Variants in ANKRD30B observed in about 807,000 individuals in gnomAD.
The protein encoded by ANKRD30B is ankyrin repeat domain-containing protein 30B.
In ANKRD30B, 144 loss-of-function variants were observed where a neutral mutation model predicts 202.2. That is an observed-to-expected ratio of 0.71 (90% confidence interval 0.62 to 0.82). The LOEUF (loss-of-function observed/expected upper bound fraction) is 0.82, where lower values mean the gene tolerates loss of function less well. ANKRD30B is among the 40% of genes least tolerant of loss of function. ANKRD30B has a pLI of 0.00. For synonymous variants in ANKRD30B, 508 were observed against 561.3 expected, an observed-to-expected ratio of 0.91 and a Z score of 1.34; for missense variants, 1,487 against 1,669.1, an observed-to-expected ratio of 0.89 and a Z score of 1.90.
intron 30 of ANKRD30B, among the ~76,000 whole-genome samples, chr18:14,817,817 C>T (rs1267209897): frequency 6.6e-6 from 1 of 152,132 alleles, no homozygotes; most frequent in Non-Finnish European, 1.5e-5. Flanking sequence ...ACCTTCTCAT[C>T]ATAATTAAAG....
rs117862775 is a variant in ANKRD30B at position 14,850,816 on chromosome 18, C to A, written c.3564+434C>A. Among the ~76,000 whole-genome samples, 86 of 151,842 alleles carry A rather than the reference C, an allele frequency of 5.7e-4. No individual in the cohort carries two copies. The East Asian group carries it at 0.015, about 26-fold the overall frequency. On this transcript the variant is annotated intron_variant, in intron 41 of 43. Transcript: ENST00000690538. ...ACTTTTGTTTTGAAATAGAAGACTT[C>A]TTTTATATTTACGTATTTACCCAGT... is the stretch of plus-strand genomic sequence containing the variant.
At chr18:14,846,055 G>A (rs9807277) in intron 39 of ANKRD30B, among the ~76,000 whole-genome samples, 79,513 of 144,716 alleles carry the variant, frequency 0.55, 21,056 homozygotes, top group African/African-American at 0.57. Context: ...GCTTCCATTG[G>A]ATTTACTTTC....
chr18:14,868,698 C>A, the ANKRD30B span, among the ~76,000 whole-genome samples: 3 of 152,412 alleles, frequency 2.0e-5, no homozygotes, highest in African/African-American at 7.2e-5. Flanking sequence ...AAAGAGGCAT[C>A]CTCCTGGACC....
chr18:14,919,999 C>A, the ANKRD30B span, among the ~76,000 whole-genome samples: 3 of 152,188 alleles, frequency 2.0e-5, no homozygotes, highest in African/African-American at 7.2e-5. Context: ...GCCTCATCCA[C>A]AGGCTCAGCC....
At chr18:14,808,934 A>C (rs946232621) in intron 26 of ANKRD30B, among the ~76,000 whole-genome samples, 190 bp downstream of exon 26, 11 of 150,932 alleles carry the variant, frequency 7.3e-5, no homozygotes, top group Non-Finnish European at 1.5e-4. Context: ...GAGATAAAAA[A>C]AATTCAGCTT....
At chr18:14,902,067 G>GA in the ANKRD30B span, among the ~76,000 whole-genome samples, 1 of 152,076 alleles carries the variant, frequency 6.6e-6, no homozygotes, top group Non-Finnish European at 1.5e-5. Context: ...TGAGGATGAT[G>GA]AAAAAGTGAA....
At chr18:14,774,954 C>T (rs1019546903) in intron 9 of ANKRD30B, among the ~76,000 whole-genome samples, 4 of 152,040 alleles carry the variant, frequency 2.6e-5, no homozygotes, top group Non-Finnish European at 4.4e-5. Context: ...GGTGAAACCC[C>T]ATCTCTACTA....
At chr18:14,878,936 C>A in the ANKRD30B span, among the ~76,000 whole-genome samples, 1 of 152,148 alleles carries the variant, frequency 6.6e-6, no homozygotes, top group African/African-American at 2.4e-5. Flanking sequence ...CTTGCGAGGG[C>A]GGAGCTGAGT....
chr18:14,776,688 T>C (rs1284917539), intron 9 of ANKRD30B, among the ~76,000 whole-genome samples: 2 of 152,254 alleles, frequency 1.3e-5, no homozygotes, highest in African/African-American at 4.8e-5. Flanking sequence ...AACACGTTTT[T>C]ATTTTTCTCT....
the ANKRD30B span, among the ~76,000 whole-genome samples, chr18:14,869,166 G>C: frequency 6.6e-6 from 1 of 152,182 alleles, no homozygotes; most frequent in African/African-American, 2.4e-5. Context: ...GAGCTTACCT[G>C]GGCTGTGTTT....
chr18:14,904,829 G>C, the ANKRD30B span, among the ~76,000 whole-genome samples: 1 of 152,184 alleles, frequency 6.6e-6, no homozygotes, highest in African/African-American at 2.4e-5. Context: ...ATGTGTCAGA[G>C]GCTTTTGAAT....
At chr18:14,858,165 GC>G (rs1427234466), downstream of ANKRD30B, among the ~76,000 whole-genome samples, 1 of 87,624 alleles carries the variant, frequency 1.1e-5, no homozygotes, top group East Asian at 2.9e-4. Context: ...GGGCAGCCAG[GC>G]AGAGGCGCTC....
At chr18:14,781,144 A>G (rs1967710428) in intron 11 of ANKRD30B, among the ~76,000 whole-genome samples, 1 of 152,278 alleles carries the variant, frequency 6.6e-6, no homozygotes, top group African/African-American at 2.4e-5. Context: ...TCATTTAAAC[A>G]TAACATAAAC....
intron 34 of ANKRD30B, among the ~76,000 whole-genome samples, chr18:14,835,012 C>A (rs1055451726): frequency 6.6e-6 from 1 of 151,836 alleles, no homozygotes; most frequent in African/African-American, 2.4e-5. Context: ...TTGACATATT[C>A]TTAGGTTATT....
intron 30 of ANKRD30B, among the ~76,000 whole-genome samples, chr18:14,817,745 A>T (rs1299375938): frequency 6.6e-6 from 1 of 152,188 alleles, no homozygotes; most frequent in Non-Finnish European, 1.5e-5. Flanking sequence ...TTATATATGA[A>T]ATTCTGAGGT....
At chr18:14,819,906 A>T (rs911136564) in intron 30 of ANKRD30B, among the ~76,000 whole-genome samples, 3 of 152,058 alleles carry the variant, frequency 2.0e-5, no homozygotes, top group Admixed American at 2.0e-4. Flanking sequence ...GAAGAAAGTC[A>T]TTGGTAGCTT....
chr18:14,844,607 G>A (rs1971555435), intron 39 of ANKRD30B, among the ~76,000 whole-genome samples: 1 of 152,200 alleles, frequency 6.6e-6, no homozygotes, highest in South Asian at 2.1e-4. Context: ...CCAGTAATGG[G>A]ATCGCTGGAT....
the ANKRD30B span, among the ~76,000 whole-genome samples, chr18:14,897,551 T>C: frequency 1.2e-3 from 181 of 152,316 alleles, no homozygotes; most frequent in African/African-American, 4.0e-3. Flanking sequence ...ATCAAATTGA[T>C]TTTAGATGTT....
Position 14,752,705 on chromosome 18 carries a change from C to T in ANKRD30B, c.336+25C>T, listed in dbSNP as rs574383616. The T allele has an allele frequency of 2.6e-5, 41 of 1,573,438 alleles. 1 individual carries two copies. Among genetic ancestry groups the T allele is most frequent in the African/African-American group, 2.0e-4 (15 of 73,990 alleles). ...GGTAAATAGTAGCCAGTTTTTTCAGCGGGAGATGGATTTGGTTTAAATACA... is the reference window on the plus strand; with the variant it reads ...GGTAAATAGTAGCCAGTTTTTTCAGTGGGAGATGGATTTGGTTTAAATACA... On this transcript the variant is annotated intron_variant, in intron 2 of 43. Coordinates refer to ENST00000690538, the MANE Select transcript of ANKRD30B (RefSeq NM_001367607.2).
Sources: allele counts gnomAD v4.1 joint callset (sites outside exome capture counted in the v4.1 genomes callset), GRCh38; gene constraint gnomAD v4.1.1; transcripts MANE v1.5; gene names NCBI Gene and HGNC (gene_info 2026-07-23, HGNC 2026-07-21).